MEIS2: variants seen among roughly 807,000 people sequenced by gnomAD.
The protein encoded by MEIS2 is homeobox protein Meis2.
MEIS2 carries 9 observed loss-of-function variants against 58.6 expected under a neutral mutation model. That is an observed-to-expected ratio of 0.15 (90% CI 0.09 to 0.27). The LOEUF is 0.27. MEIS2 is among the 10% of genes least tolerant of loss of function. The pLI is 1.00. For missense variants in MEIS2, 427 were observed against 635.0 expected, an observed-to-expected ratio of 0.67 and a Z score of 3.52; for synonymous variants, 221 against 228.4, an observed-to-expected ratio of 0.97 and a Z score of 0.29.
intron 8 of MEIS2, among the ~76,000 whole-genome samples, chr15:37,007,971 GA>G (rs1328595519): frequency 6.6e-6 from 1 of 152,132 alleles, no homozygotes; most frequent in Non-Finnish European, 1.5e-5. Context: ...CTTCATGTAA[GA>G]AATACAAGGG....
At chr15:37,063,392 G>A (rs1889506585) in intron 7 of MEIS2, among the ~76,000 whole-genome samples, 1 of 152,134 alleles carries the variant, frequency 6.6e-6, no homozygotes, top group South Asian at 2.1e-4. Context: ...CCCTGGTTAA[G>A]TGTCTGGATT....
At chr15:36,949,770 G>A (rs543780514) in intron 9 of MEIS2, among the ~76,000 whole-genome samples, 2 of 152,002 alleles carry the variant, frequency 1.3e-5, no homozygotes, top group Non-Finnish European at 2.9e-5. Context: ...CGTGTACAAA[G>A]GGTGGATGGT....
At chr15:36,907,635 C>T (rs2056805589) in intron 9 of MEIS2, among the ~76,000 whole-genome samples, 2 of 152,144 alleles carry the variant, frequency 1.3e-5, no homozygotes, top group Admixed American at 1.3e-4. Context: ...ATTCTTAGGG[C>T]CCTTTATCAA....
At chr15:36,993,919 G>A (rs1468670397) in intron 8 of MEIS2, among the ~76,000 whole-genome samples, 1 of 152,074 alleles carries the variant, frequency 6.6e-6, no homozygotes, top group East Asian at 1.9e-4. Flanking sequence ...CTTGTTACCA[G>A]GATCAAACAG....
intron 11 of MEIS2, among the ~76,000 whole-genome samples, chr15:36,893,382 T>C (rs2055988285): frequency 6.6e-6 from 1 of 152,246 alleles, no homozygotes; most frequent in Non-Finnish European, 1.5e-5. Context: ...TAAAGGCTTA[T>C]ATGCTGCAGT....
intron 9 of MEIS2, among the ~76,000 whole-genome samples, chr15:36,921,846 A>G (rs562706669): frequency 1.3e-5 from 2 of 152,318 alleles, no homozygotes; most frequent in Non-Finnish European, 2.9e-5. Flanking sequence ...GAGCAGCTAT[A>G]AAGAGAAACC....
At chr15:36,992,664 GC>G (rs1371358663) in intron 8 of MEIS2, among the ~76,000 whole-genome samples, 1 of 152,030 alleles carries the variant, frequency 6.6e-6, no homozygotes, top group African/African-American at 2.4e-5. Context: ...AAGATATTAG[GC>G]CTTGAAACTG....
intron 8 of MEIS2, among the ~76,000 whole-genome samples, chr15:37,019,052 G>A (rs572739572): frequency 7.2e-5 from 11 of 152,200 alleles, no homozygotes; most frequent in Admixed American, 1.3e-4. Context: ...ATGGGGTGAG[G>A]GTTGGAATGA....
At chr15:36,958,963 A>G (rs528083788) in intron 8 of MEIS2, among the ~76,000 whole-genome samples, 1 of 152,330 alleles carries the variant, frequency 6.6e-6, no homozygotes, top group African/African-American at 2.4e-5. Context: ...TCATTTGTTG[A>G]AATAGATTTC....
intron 9 of MEIS2, among the ~76,000 whole-genome samples, chr15:36,927,594 C>G (rs182606444): frequency 6.6e-6 from 1 of 152,170 alleles, no homozygotes; most frequent in Non-Finnish European, 1.5e-5. Flanking sequence ...GCTTCTCTCA[C>G]AGCATCTTGA....
At chr15:37,012,043 T>A (rs575250995) in intron 8 of MEIS2, among the ~76,000 whole-genome samples, 280 of 152,330 alleles carry the variant, frequency 1.8e-3, no homozygotes, top group Non-Finnish European at 3.1e-3. Flanking sequence ...GCAGTTTTTA[T>A]TCAAGACAGA....
Position 36,889,299 on chromosome 15 carries a change from A to AG in MEIS2, c.*2873dup, listed in dbSNP as rs768723824. 4.6e-5 allele frequency: 7 copies of AG among 152,196 alleles called. No individual in the cohort carries two copies. The highest frequency in any genetic ancestry group is 7.3e-5 in the Non-Finnish European group (5 of 68,054). 9.4% of individuals were successfully genotyped at this position (152,196 alleles called of 1,614,324 possible). A position where few individuals can be genotyped will look rare whatever the true frequency, so the allele number is the denominator to read the frequency against. On this transcript the variant is annotated 3_prime_UTR_variant, in exon 12 of 12. Coordinates refer to ENST00000561208, the MANE Select transcript of MEIS2 (RefSeq NM_170675.5). ...CATTCCCAGTTTCTTTGCTTTTGAC[A>AG]GCTGAGTCTTTCTTAAATATACCCA...
chr15:36,927,045 C>T lies in MEIS2; in HGVS notation c.977+23279G>A, dbSNP rs1180182306. Among the ~76,000 whole-genome samples, 3 of 152,138 alleles carry T rather than the reference C, an allele frequency of 2.0e-5. No homozygotes were observed. The East Asian group carries it at 5.8e-4, about 29-fold the overall frequency. On this transcript the variant is annotated intron_variant, in intron 9 of 11. Coordinates refer to ENST00000561208, the MANE Select transcript of MEIS2 (RefSeq NM_170675.5). ...CCAGGTTGGCAAAAATACAAACTGT[C>T]CAGAATTTGGGCATCTTTTCTTCCT...
intron 11 of MEIS2, among the ~76,000 whole-genome samples, chr15:36,894,094 G>A (rs1294179625): frequency 6.6e-6 from 1 of 152,104 alleles, no homozygotes; most frequent in African/African-American, 2.4e-5. Context: ...GCTCCTAAAT[G>A]TCTTTCCCTT....
chr15:37,045,045 C>T lies in MEIS2; in HGVS notation c.755-8086G>A, dbSNP rs184475661. Among the ~76,000 whole-genome samples the T allele has an allele frequency of 1.3e-4, 20 of 152,282 alleles. No individual in the cohort carries two copies. In the East Asian group the frequency reaches 2.7e-3, roughly 21 times the overall value. ...CCTCCCTCCACTCTCCCTGCCCTAT[C>T]GGCACTAGGTTATCACCCACCCAGT... is the stretch of plus-strand genomic sequence containing the variant. On this transcript the variant is annotated intron_variant, in intron 7 of 11. Transcript: ENST00000561208.
At chr15:36,904,896 C>G (rs2056654824) in intron 9 of MEIS2, among the ~76,000 whole-genome samples, 1 of 152,152 alleles carries the variant, frequency 6.6e-6, no homozygotes, top group Non-Finnish European at 1.5e-5. Context: ...AAACTGGTTT[C>G]AAATGCATAA....
At position 36,995,660 on chromosome 15, in the gene MEIS2, T is replaced by A. The variant is rs146749179; in HGVS notation, c.900+41154A>T. Among the ~76,000 whole-genome samples, 7 of 115,906 alleles carry A rather than the reference T, an allele frequency of 6.0e-5. No individual in the cohort carries two copies. The East Asian group carries it at 1.9e-3, about 32-fold the overall frequency. The allele number at this position is 115,906 out of a possible 152,430, so 76.0% of individuals were successfully genotyped here. On this transcript the variant is annotated intron_variant, in intron 8 of 11. Transcript: ENST00000561208. ...TGAACAGGAAACAAGGGTGATCCTA[T>A]CCTGTCCCTAGAGGCAGTTCATCAG...
intron 9 of MEIS2, among the ~76,000 whole-genome samples, chr15:36,946,979 G>C (rs2058589275): frequency 6.6e-6 from 1 of 151,948 alleles, no homozygotes; most frequent in Non-Finnish European, 1.5e-5. Flanking sequence ...AGGATATTTG[G>C]TTCGTTGCTA....
At chr15:36,996,205 A>C (rs2060516737) in intron 8 of MEIS2, among the ~76,000 whole-genome samples, 1 of 151,926 alleles carries the variant, frequency 6.6e-6, no homozygotes, top group South Asian at 2.1e-4. Flanking sequence ...ACAAACAGCA[A>C]TGAAAGGTCA....
Sources: gnomAD v4.1 joint callset for allele counts (sites outside exome capture counted in the v4.1 genomes callset) on GRCh38, gnomAD v4.1.1 for gene constraint, MANE v1.5 for transcripts, NCBI Gene and HGNC (gene_info 2026-07-23, HGNC 2026-07-21) for gene names.